Variants in SBF2 observed in about 807,000 individuals in gnomAD.
The protein encoded by SBF2 is SET binding factor 2, also known as myotubularin-related protein 13.
A neutral mutation model predicts 225.2 loss-of-function variants in SBF2; 112 were observed. That is an observed-to-expected ratio of 0.50 (90% CI 0.43 to 0.58). The LOEUF (loss-of-function observed/expected upper bound fraction) is 0.58. SBF2 is among the 20% of genes least tolerant of loss of function. The pLI is 0.00. For missense variants in SBF2, 1,996 were observed against 2,206.2 expected (o/e 0.90, Z 1.91); for synonymous variants, 763 against 773.3 (o/e 0.99, Z 0.22).
intron 1 of SBF2, among the ~76,000 whole-genome samples, chr11:10,279,532 T>G (rs1186260368): frequency 3.3e-5 from 5 of 152,194 alleles, no homozygotes; most frequent in Admixed American, 6.5e-5. Context: ...CACCACTATC[T>G]TTTCCTAATA....
chr11:10,216,401 T>C (rs922114095), intron 1 of SBF2, among the ~76,000 whole-genome samples: 7 of 152,246 alleles, frequency 4.6e-5, no homozygotes, highest in African/African-American at 1.4e-4. Flanking sequence ...TTTAAGATGA[T>C]AGCGATAGCT....
rs183468503 is a variant in SBF2, at chr11:9,789,242, G to A, written c.4799C>T (p.Thr1600Ile). 1.3e-4 allele frequency: 207 copies of A among 1,614,158 alleles called. No individual in the cohort carries two copies. The East Asian group carries it at 4.3e-3, about 34-fold the overall frequency. ...TGPSYDWMML[T>I]PKHFPSEDSD... ...GTCTTCGGAGGGGAAGTGCTTGGGG[G>A]TTAGCATCATCCAGTCATAGGAAGG... is the stretch of plus-strand genomic sequence containing the variant. The change falls in exon 35 of 40, where the codon ACC becomes ATC. Residue 1600 changes from threonine (T) to isoleucine (I), a missense_variant. Transcript: ENST00000256190.
intron 16 of SBF2, among the ~76,000 whole-genome samples, chr11:9,923,282 C>A (rs1016279924): frequency 1.6e-4 from 25 of 151,654 alleles, no homozygotes; most frequent in Non-Finnish European, 2.1e-4. Context: ...AGCAACTAAA[C>A]CTGCATTTTG....
intron 1 of SBF2, among the ~76,000 whole-genome samples, chr11:10,293,686 G>A (rs1050645943): frequency 1.3e-5 from 2 of 152,204 alleles, no homozygotes; most frequent in Non-Finnish European, 2.9e-5. Context: ...GCGGTCCTGG[G>A]CCCAATCTCA....
chr11:9,780,541 C>G lies in SBF2; in HGVS notation c.5452-25G>C, dbSNP rs1203637925. On this transcript the variant is annotated intron_variant, in intron 39 of 39. Coordinates refer to ENST00000256190, the MANE Select transcript of SBF2 (RefSeq NM_030962.4). ...GCTACAAAACCAAATGACAGTGAAC[C>G]AGAGATGAAGGGCAGGGCTGTTTTA... 1.9e-6 allele frequency: 3 copies of G among 1,602,094 alleles called. No homozygotes were observed. The African/African-American group carries it at 4.0e-5, about 21-fold the overall frequency.
intron 34 of SBF2, 86 bp from the exon 35 acceptor site, chr11:9,789,428 G>C: frequency 1.1e-6 from 1 of 884,524 alleles, no homozygotes; most frequent in South Asian, 1.4e-5. Flanking sequence ...CATTTATAGA[G>C]TCCAGGGGAG....
intron 24 of SBF2, 123 bp downstream of exon 24, chr11:9,845,442 T>C (rs1302184510): frequency 1.2e-5 from 11 of 927,414 alleles, no homozygotes; most frequent in African/African-American, 1.6e-5. Flanking sequence ...CCCCATGGGC[T>C]TGACAGAAAC....
intron 1 of SBF2, among the ~76,000 whole-genome samples, chr11:10,251,903 C>T (rs957964293): frequency 3.3e-5 from 5 of 152,136 alleles, no homozygotes; most frequent in Admixed American, 1.3e-4. Flanking sequence ...CACTCTCTCA[C>T]CTAAGGGAGA....
chr11:10,037,079 C>T (rs538265951), intron 3 of SBF2, among the ~76,000 whole-genome samples: 5 of 152,192 alleles, frequency 3.3e-5, no homozygotes, highest in African/African-American at 1.2e-4. Flanking sequence ...CAGTTTTTCC[C>T]TACAAAATAC....
chr11:10,066,399 C>A (rs1426129676), intron 2 of SBF2, among the ~76,000 whole-genome samples: 1 of 151,386 alleles, frequency 6.6e-6, no homozygotes, highest in South Asian at 2.1e-4. Flanking sequence ...TAATAAAAGG[C>A]TAACATATCA....
rs142089803 is a variant in SBF2, at chr11:10,283,046, C to A, written c.55+10969G>T. On this transcript the variant is annotated intron_variant, in intron 1 of 39. Transcript: ENST00000256190. Reference sequence around the variant, plus strand: ...TCACATAGCAAATGTTTATGCATACCATACAAATTGGTTTAAATATCACCT... The same window carrying A: ...TCACATAGCAAATGTTTATGCATACAATACAAATTGGTTTAAATATCACCT... 1.3e-3 allele frequency among the ~76,000 whole-genome samples: 202 copies of A among 152,190 alleles called. 1 individual carries two copies. The highest frequency in any genetic ancestry group is 4.8e-3 in the African/African-American group (198 of 41,548).
intron 2 of SBF2, among the ~76,000 whole-genome samples, chr11:10,189,420 T>C (rs373015758): frequency 2.0e-5 from 3 of 152,218 alleles, no homozygotes; most frequent in South Asian, 4.1e-4. Context: ...ATTTATTGTA[T>C]GTATTGCATT....
intron 1 of SBF2, among the ~76,000 whole-genome samples, chr11:10,223,131 C>A (rs1822292): frequency 6.6e-6 from 1 of 151,236 alleles, no homozygotes; most frequent in Non-Finnish European, 1.5e-5. Flanking sequence ...AATACTTTAA[C>A]GCACTCACTG....
intron 1 of SBF2, among the ~76,000 whole-genome samples, chr11:10,267,720 C>A (rs57349511): frequency 0.011 from 1,622 of 152,150 alleles, 33 homozygotes; most frequent in African/African-American, 0.037. Context: ...ACTGTCTACA[C>A]CCAGACTTTA....
chr11:9,787,302 A>T (rs1464695165), intron 36 of SBF2, among the ~76,000 whole-genome samples: 1 of 152,214 alleles, frequency 6.6e-6, no homozygotes, highest in Non-Finnish European at 1.5e-5. Flanking sequence ...TGTGGAGCAA[A>T]CGTGGTCTTG....
chr11:10,198,779 A>G (rs1173688469), intron 1 of SBF2, among the ~76,000 whole-genome samples: 1 of 152,190 alleles, frequency 6.6e-6, no homozygotes, highest in Non-Finnish European at 1.5e-5. Context: ...TTCACCTTGC[A>G]CTTTCATGTT....
intron 2 of SBF2, among the ~76,000 whole-genome samples, chr11:10,119,912 C>A (rs1443218842): frequency 3.3e-5 from 5 of 152,080 alleles, no homozygotes; most frequent in African/African-American, 1.2e-4. Flanking sequence ...GGCAGTCGGG[C>A]CTTAGAATCA....
At chr11:10,263,373 T>A (rs1961628972) in intron 1 of SBF2, among the ~76,000 whole-genome samples, 1 of 152,140 alleles carries the variant, frequency 6.6e-6, no homozygotes, top group Non-Finnish European at 1.5e-5. Flanking sequence ...GACATAATGC[T>A]GGAAGAAACC....
intron 2 of SBF2, among the ~76,000 whole-genome samples, chr11:10,129,343 A>T (rs1404417125): frequency 8.7e-6 from 1 of 114,808 alleles, no homozygotes; most frequent in African/African-American, 3.0e-5. Context: ...ACCTCAAGTG[A>T]TCTGCTGCCT....
Sources: gnomAD v4.1 joint callset for allele counts (sites outside exome capture counted in the v4.1 genomes callset) on GRCh38, gnomAD v4.1.1 for gene constraint, MANE v1.5 for transcripts, NCBI Gene and HGNC (gene_info 2026-07-23, HGNC 2026-07-21) for gene names.